ZNF318: variants seen among roughly 807,000 people sequenced by gnomAD.
ZNF318 encodes the protein zinc finger protein 318, also known as endocrine regulator.
A neutral mutation model predicts 124.2 loss-of-function variants in ZNF318; 51 were observed. That is an observed-to-expected ratio of 0.41 (90% CI 0.33 to 0.52). ZNF318 has a LOEUF of 0.52. Among genes scored for constraint, ZNF318 ranks in the 20% least tolerant of loss-of-function variants. The pLI, the probability that ZNF318 is intolerant of heterozygous loss-of-function variation, is 0.23. For missense variants in ZNF318, 2,815 were observed against 2,811.2 expected (o/e 1.00, Z -0.03); for synonymous variants, 1,090 against 1,040.7 (o/e 1.05, Z -0.91).
intron 4 of ZNF318, among the ~76,000 whole-genome samples, chr6:43,353,348 A>G (rs895156742): frequency 6.6e-6 from 1 of 150,398 alleles, no homozygotes; most frequent in African/African-American, 2.4e-5. Flanking sequence ...AAAAAATGAG[A>G]CTGGCCCTCT....
At chr6:43,358,202 T>C (rs758919759) in intron 2 of ZNF318, among the ~76,000 whole-genome samples, 2 of 152,198 alleles carry the variant, frequency 1.3e-5, no homozygotes, top group Non-Finnish European at 2.9e-5. Context: ...TCCAGGTGAT[T>C]TGTCTGTACT....
Position 43,338,322 on chromosome 6 carries a change from C to T in ZNF318, c.5676G>A (p.Leu1892=), listed in dbSNP as rs780332078. The T allele has an allele frequency of 6.2e-7, 1 of 1,614,148 alleles. No homozygotes were observed. Among genetic ancestry groups the T allele is most frequent in the South Asian group, 1.1e-5 (1 of 91,084 alleles). The change falls in exon 10 of 10, where the codon TTG becomes TTA. Residue 1892 remains leucine, a synonymous_variant. Transcript: ENST00000361428. ...DTPVKISAPE[L]LLHSPARSAM... ...CTGATCTGGCTGGGGAATGAAGCAG[C>T]AACTCTGGGGCAGAAATTTTCACAG...
chr6:43,337,229 G>A lies in ZNF318; in HGVS notation c.6769C>T (p.Gln2257Ter). The A allele has an allele frequency of 6.2e-7, 1 of 1,614,116 alleles. No individual in the cohort carries two copies. Among genetic ancestry groups the A allele is most frequent in the Non-Finnish European group, 8.5e-7 (1 of 1,179,992 alleles). Residue 2257 changes from glutamine to a stop codon, truncating the protein, a stop_gained, in exon 10 of 10, where the codon CAG becomes TAG. Coordinates refer to ENST00000361428, the MANE Select transcript of ZNF318 (RefSeq NM_014345.3). LOFTEE classifies it high-confidence loss of function. ...GTAGTTTCCTGTTCAGGCATTCCCT[G>A]AGGGACCATATTGTCTTCAATTACC... ...EQVIEDNMVP[Q>*]GMPEQETTVG...
At chr6:43,361,088 C>T (rs944645088) in intron 2 of ZNF318, among the ~76,000 whole-genome samples, 1 of 152,182 alleles carries the variant, frequency 6.6e-6, no homozygotes, top group Non-Finnish European at 1.5e-5. Flanking sequence ...ATACAAATTA[C>T]ATCTCGATAA....
Position 43,369,028 on chromosome 6 carries a change from TC to T in ZNF318, c.337del (p.Glu113SerfsTer36). 2 of 1,424,762 alleles carry T rather than the reference TC, an allele frequency of 1.4e-6. No individual in the cohort carries two copies. The highest frequency in any genetic ancestry group is 2.4e-4 in the Middle Eastern group (1 of 4,174). The allele number at this position is 1,424,762 out of a possible 1,614,324, so 88.3% of individuals were successfully genotyped here. A position where few individuals can be genotyped will look rare whatever the true frequency, so the allele number is the denominator to read the frequency against. The part of the protein sequence containing the change: ...PAGFRGSSRG[E>X]SRADYARDGR... ...GTCCCGGGCATAGTCGGCGCGGGACTCCCCCCGGCTGCTGCCTCTGAAGCCG... is the reference window on the plus strand; with the variant it reads ...GTCCCGGGCATAGTCGGCGCGGGACTCCCCCGGCTGCTGCCTCTGAAGCCG... On this transcript the variant is annotated frameshift_variant, in exon 1 of 10. Transcript: ENST00000361428. LOFTEE classifies it high-confidence loss of function.
chr6:43,363,203 TAAG>T (rs1412299895), intron 2 of ZNF318, among the ~76,000 whole-genome samples: 1 of 152,166 alleles, frequency 6.6e-6, no homozygotes, highest in Non-Finnish European at 1.5e-5. Flanking sequence ...ATCCTAGGCC[TAAG>T]AAGAACTGCT....
At position 43,337,134 on chromosome 6, in the gene ZNF318, AC is replaced by A; in HGVS notation, c.*23del. ...ATTTCTAGAAGCCAATGATTCACTC[AC>A]AAGTAGCTCTAGGTATTTATTCTTA... is the stretch of plus-strand genomic sequence containing the variant. On this transcript the variant is annotated 3_prime_UTR_variant, in exon 10 of 10. Transcript: ENST00000361428. 1 of 1,526,042 alleles carries A rather than the reference AC, an allele frequency of 6.6e-7. No individual in the cohort carries two copies. The highest frequency in any genetic ancestry group is 8.8e-7 in the Non-Finnish European group (1 of 1,138,542). 94.5% of individuals were successfully genotyped at this position (1,526,042 alleles called of 1,614,324 possible). A position where few individuals can be genotyped will look rare whatever the true frequency, so the allele number is the denominator to read the frequency against.
rs746760577 is a variant in ZNF318, at chr6:43,355,282, G to A, written c.2052C>T (p.Ser684=). 1.2e-6 allele frequency: 2 copies of A among 1,614,206 alleles called. No homozygotes were observed. Among genetic ancestry groups the A allele is most frequent in the Admixed American group, 3.3e-5 (2 of 60,032 alleles). Residue 684 remains serine, a synonymous_variant, in exon 4 of 10, where the codon AGC becomes AGT. Transcript: ENST00000361428. The part of the protein sequence containing the change: ...HRLESREAHH[S]NTHSPEVSHP... Reference sequence around the variant, plus strand: ...GGGACACCTCTGGAGAGTGGGTATTGCTATGATGTGCCTCCCTGCTCTCTA... The same window carrying A: ...GGGACACCTCTGGAGAGTGGGTATTACTATGATGTGCCTCCCTGCTCTCTA...
At position 43,369,039 on chromosome 6, in the gene ZNF318, G is replaced by T; in HGVS notation, c.327C>A (p.Ser109Arg). The change falls in exon 1 of 10, where the codon AGC (serine) becomes AGA (arginine). Residue 109 changes from serine (S) to arginine (R), a missense_variant. Coordinates refer to ENST00000361428, the MANE Select transcript of ZNF318 (RefSeq NM_014345.3). ...AGTCGGCGCGGGACTCCCCCCGGCTGCTGCCTCTGAAGCCGGCCGGGCCCG... is the reference window on the plus strand; with the variant it reads ...AGTCGGCGCGGGACTCCCCCCGGCTTCTGCCTCTGAAGCCGGCCGGGCCCG... The part of the protein sequence containing the change: ...FPPGPAGFRG[S>R]SRGESRADYA... The T allele has an allele frequency of 7.2e-7, 1 of 1,395,576 alleles. No individual in the cohort carries two copies. Among genetic ancestry groups the T allele is most frequent in the Non-Finnish European group, 9.3e-7 (1 of 1,070,850 alleles). The allele number at this position is 1,395,576 out of a possible 1,614,324, so 86.4% of individuals were successfully genotyped here. A position where few individuals can be genotyped will look rare whatever the true frequency, so the allele number is the denominator to read the frequency against.
At position 43,355,088 on chromosome 6, in the gene ZNF318, G is replaced by A; in HGVS notation, c.2246C>T (p.Pro749Leu). The change falls in exon 4 of 10, where the codon CCA (proline) becomes CTA (leucine). Residue 749 changes from proline to leucine, a missense_variant. By Grantham distance (98) the Pro-to-Leu change is moderately conservative. This residue lies in a region of ZNF318 where 1,377 missense variants were observed against 1,353.5 expected (regional missense o/e 1.02). Transcript: ENST00000361428. ...RCMLPSAPSA[P>L]IRLPHTAALS... ...AGCAGCAGTGTGTGGAAGTCTAATT[G>A]GGGCAGATGGGGCTGATGGCAACAT... The A allele has an allele frequency of 1.9e-6, 3 of 1,614,184 alleles. No homozygotes were observed. The highest frequency in any genetic ancestry group is 2.5e-6 in the Non-Finnish European group (3 of 1,180,038).
Position 43,338,692 on chromosome 6 carries a change from T to A in ZNF318, c.5306A>T (p.Asp1769Val), listed in dbSNP as rs777116491. The change falls in exon 10 of 10, where the codon GAT becomes GTT. Residue 1769 changes from aspartate (D) to valine (V), a missense_variant. By Grantham distance (152) the Asp-to-Val change is radical. This residue lies in a region of ZNF318 where 927 missense variants were observed against 820.6 expected (regional missense o/e 1.13). Coordinates refer to ENST00000361428, the MANE Select transcript of ZNF318 (RefSeq NM_014345.3). Reference sequence around the variant, plus strand: ...TGTCTCTATCTCACTTTCTCTACAATCCTCAGATTTACGGAGCTCTTGGCT... The same window carrying A: ...TGTCTCTATCTCACTTTCTCTACAAACCTCAGATTTACGGAGCTCTTGGCT... ...KESQELRKSE[D>V]CRESEIETNT... 5 of 1,614,052 alleles carry A rather than the reference T, an allele frequency of 3.1e-6. No homozygotes were observed. In the East Asian group the frequency reaches 8.9e-5, roughly 29 times the overall value.
In ZNF318 at chr6:43,354,937, G is replaced by A. The variant is rs761493278; in HGVS notation, c.2397C>T (p.Ala799=). The change falls in exon 4 of 10, where the codon GCC becomes GCT. Residue 799 remains alanine (A), a synonymous_variant. Coordinates refer to ENST00000361428, the MANE Select transcript of ZNF318 (RefSeq NM_014345.3). ...DAYRHYMAYA[A]SRWPMYPTSQ... ...AGGTGGGATACATGGGCCATCTGGAGGCTGCATATGCCATGTAGTGCCTAT... is the reference window on the plus strand; with the variant it reads ...AGGTGGGATACATGGGCCATCTGGAAGCTGCATATGCCATGTAGTGCCTAT... 2 of 1,610,534 alleles carry A rather than the reference G, an allele frequency of 1.2e-6. No individual in the cohort carries two copies. The highest frequency in any genetic ancestry group is 1.7e-6 in the Non-Finnish European group (2 of 1,177,790).
At chr6:43,366,677 G>A (rs982798515) in intron 1 of ZNF318, among the ~76,000 whole-genome samples, 12 of 152,054 alleles carry the variant, frequency 7.9e-5, no homozygotes, top group South Asian at 2.1e-4. Flanking sequence ...ATGTTGGTAC[G>A]CACCTGTAGT....
At chr6:43,362,182 C>T (rs981558854) in intron 2 of ZNF318, among the ~76,000 whole-genome samples, 4 of 151,866 alleles carry the variant, frequency 2.6e-5, no homozygotes, top group Non-Finnish European at 4.4e-5. Flanking sequence ...TTAAAAGGGG[C>T]CAGGCGCGGT....
intron 2 of ZNF318, among the ~76,000 whole-genome samples, chr6:43,358,721 C>T (rs940234086): frequency 4.6e-5 from 7 of 151,782 alleles, no homozygotes; most frequent in Non-Finnish European, 1.0e-4. Context: ...TGCTGGCTGA[C>T]TTTTTGCATT....
chr6:43,356,387 T>C (rs963750932), intron 3 of ZNF318, among the ~76,000 whole-genome samples: 4 of 152,146 alleles, frequency 2.6e-5, no homozygotes, highest in African/African-American at 7.2e-5. Flanking sequence ...CTTTATCTAT[T>C]TGTTAAAAGG....
chr6:43,339,255 AG>A lies in ZNF318; in HGVS notation c.4742del (p.Pro1581LeufsTer11). 1 of 1,614,056 alleles carries A rather than the reference AG, an allele frequency of 6.2e-7. No individual in the cohort carries two copies. The highest frequency in any genetic ancestry group is 1.7e-5 in the Admixed American group (1 of 60,012). On this transcript the variant is annotated frameshift_variant, in exon 10 of 10. Transcript: ENST00000361428. LOFTEE classifies it low-confidence loss of function (END_TRUNC). This position sits in a 1 kb window ranked among gnomAD's most constrained non-coding sequence, Gnocchi z 4.2. ...TAGTCTCAGGGGCCCCCTTAGTCTCAGGGGCCCCCTTTCCACCACTACTATA... is the reference window on the plus strand; with the variant it reads ...TAGTCTCAGGGGCCCCCTTAGTCTCAGGGCCCCCTTTCCACCACTACTATA... ...IFYSSGGKGAPETKGAPETKL... is the reference protein window; with the variant it reads ...IFYSSGGKGAXETKGAPETKL...
Position 43,354,980 on chromosome 6 carries a change from G to A in ZNF318, c.2354C>T (p.Pro785Leu). The A allele has an allele frequency of 1.2e-6, 2 of 1,610,174 alleles. No individual in the cohort carries two copies. Among genetic ancestry groups the A allele is most frequent in the East Asian group, 2.2e-5 (1 of 44,850 alleles). ...PPNYQGPAIP[P>L]ASFDAYRHYM... is the part of the protein sequence containing the mutation. The stretch of plus-strand genomic sequence containing the variant: ...GTGCCTATAGGCATCAAAAGAGGCA[G>A]GGGGAATGGCAGGTCCCTGGTAGTT... Residue 785 changes from proline (P) to leucine (L), a missense_variant, in exon 4 of 10, where the codon CCT becomes CTT. By Grantham distance (98) the Pro-to-Leu change is moderately conservative (BLOSUM62 -3). Coordinates refer to ENST00000361428, the MANE Select transcript of ZNF318 (RefSeq NM_014345.3).
chr6:43,355,866 G>C lies in ZNF318; in HGVS notation c.1468C>G (p.His490Asp). The change falls in exon 4 of 10, where the codon CAC becomes GAC. Residue 490 changes from histidine to aspartate, a missense_variant. Physicochemically the swap from His to Asp is moderately conservative, Grantham distance 81. This residue lies in a region of ZNF318 where 1,377 missense variants were observed against 1,353.5 expected (regional missense o/e 1.02). Coordinates refer to ENST00000361428, the MANE Select transcript of ZNF318 (RefSeq NM_014345.3). ...LDLKAEGPERHTDFLLPHERA... is the reference protein window; with the variant it reads ...LDLKAEGPERDTDFLLPHERA... ...TCATGGGGCAGCAGGAAGTCTGTGTGTCGCTCAGGTCCCTCAGCCTTCAAA... is the reference window on the plus strand; with the variant it reads ...TCATGGGGCAGCAGGAAGTCTGTGTCTCGCTCAGGTCCCTCAGCCTTCAAA... 1.2e-6 allele frequency: 2 copies of C among 1,614,226 alleles called. No homozygotes were observed. Among genetic ancestry groups the C allele is most frequent in the Non-Finnish European group, 1.7e-6 (2 of 1,180,042 alleles).
Sources: allele counts gnomAD v4.1 joint callset (sites outside exome capture counted in the v4.1 genomes callset), GRCh38; gene constraint gnomAD v4.1.1; regional missense constraint gnomAD v4.1.1; non-coding constraint Gnocchi (gnomAD v3.1); transcripts MANE v1.5; gene names NCBI Gene and HGNC (gene_info 2026-07-23, HGNC 2026-07-21).